Variants in FOXP1 observed in about 807,000 individuals in gnomAD.
FOXP1 encodes the protein forkhead box P1, also known as forkhead box protein P1.
In FOXP1, 15 loss-of-function variants were observed where a neutral mutation model predicts 98.2. The ratio of observed to expected loss-of-function variants is 0.15; its 90% CI spans 0.10 to 0.24. The LOEUF (loss-of-function observed/expected upper bound fraction) is 0.24. Among genes scored for constraint, FOXP1 ranks in the 10% least tolerant of loss-of-function variants. FOXP1 has a pLI of 1.00. For missense variants in FOXP1, 633 were observed against 848.5 expected (o/e 0.75, Z 3.15); for synonymous variants, 371 against 314.5 (o/e 1.18, Z -1.90).
chr3:71,225,559 A>C (rs1432476100), intron 5 of FOXP1, among the ~76,000 whole-genome samples: 1 of 152,190 alleles, frequency 6.6e-6, no homozygotes, highest in Admixed American at 6.5e-5. Flanking sequence ...AATGCTACGG[A>C]TTTGTTCCCT....
intron 5 of FOXP1, among the ~76,000 whole-genome samples, chr3:71,234,158 GTA>G (rs1491096796): frequency 6.6e-5 from 6 of 91,342 alleles, no homozygotes; most frequent in Non-Finnish European, 1.3e-4. Context: ...AATATTATAA[GTA>G]AAAAAAAAAA....
chr3:71,104,822 C>T (rs2057292040), intron 7 of FOXP1, among the ~76,000 whole-genome samples: 1 of 152,152 alleles, frequency 6.6e-6, no homozygotes, highest in Admixed American at 6.5e-5. Context: ...CTAAACCTGA[C>T]TGTTGTGCTG....
intron 6 of FOXP1, among the ~76,000 whole-genome samples, chr3:71,178,411 G>A (rs1221929389): frequency 1.3e-5 from 2 of 152,004 alleles, no homozygotes; most frequent in Non-Finnish European, 2.9e-5. Flanking sequence ...TGGGATGAGA[G>A]GCGTGAGCCA....
At chr3:71,194,553 T>G (rs893654595) in intron 6 of FOXP1, among the ~76,000 whole-genome samples, 5 of 150,786 alleles carry the variant, frequency 3.3e-5, no homozygotes, top group Non-Finnish European at 5.9e-5. Flanking sequence ...CCACACAGTT[T>G]ATGAAATTGT....
chr3:71,427,704 G>A (rs1190520434), intron 3 of FOXP1, among the ~76,000 whole-genome samples: 1 of 152,220 alleles, frequency 6.6e-6, no homozygotes, highest in African/African-American at 2.4e-5. Flanking sequence ...ATGGACGGAA[G>A]TCACAGGATT....
chr3:71,069,427 A>G (rs1244851206), intron 7 of FOXP1, among the ~76,000 whole-genome samples: 1 of 152,226 alleles, frequency 6.6e-6, no homozygotes, highest in East Asian at 1.9e-4. Context: ...CTAACTCTGC[A>G]TTTGACAGTA....
chr3:71,087,006 C>T (rs1460668711), intron 7 of FOXP1, among the ~76,000 whole-genome samples: 1 of 152,168 alleles, frequency 6.6e-6, no homozygotes, highest in East Asian at 1.9e-4. Context: ...CGGCTGTTTA[C>T]CCTGAAGGCC....
chr3:71,219,949 C>T (rs1413755576), intron 5 of FOXP1, among the ~76,000 whole-genome samples: 1 of 152,158 alleles, frequency 6.6e-6, no homozygotes, highest in Non-Finnish European at 1.5e-5. Context: ...ATGCAGAGTA[C>T]TCCAAGGCCT....
chr3:71,295,406 T>A (rs2073182688), intron 5 of FOXP1, among the ~76,000 whole-genome samples: 1 of 152,226 alleles, frequency 6.6e-6, no homozygotes, highest in South Asian at 2.1e-4. Context: ...AAATAATTTA[T>A]AATAGGTAAG....
chr3:71,146,575 A>G (rs1057295154), intron 6 of FOXP1, among the ~76,000 whole-genome samples: 1 of 152,170 alleles, frequency 6.6e-6, no homozygotes, highest in African/African-American at 2.4e-5. Flanking sequence ...AAAAGAGAGG[A>G]TTATAATAAT....
At chr3:71,371,997 C>T (rs113156907) in intron 3 of FOXP1, among the ~76,000 whole-genome samples, 2,305 of 151,860 alleles carry the variant, frequency 0.015, 61 homozygotes, top group African/African-American at 0.052. Flanking sequence ...GAGGATCATT[C>T]TTTCGTCTTT....
At chr3:71,517,197 A>C (rs531243663) in intron 2 of FOXP1, among the ~76,000 whole-genome samples, 14 of 152,162 alleles carry the variant, frequency 9.2e-5, no homozygotes, top group African/African-American at 3.4e-4. Flanking sequence ...ATCTATCAAA[A>C]AAAAAAATAC....
At chr3:71,499,425 T>TAC (rs904368417) in intron 2 of FOXP1, among the ~76,000 whole-genome samples, 2 of 152,266 alleles carry the variant, frequency 1.3e-5, no homozygotes, top group Non-Finnish European at 2.9e-5. Context: ...CGTATGTATA[T>TAC]ACACACACAT....
intron 5 of FOXP1, chr3:71,275,991 C>T (rs879742981): frequency 3.9e-5 from 6 of 152,096 alleles, no homozygotes; most frequent in Middle Eastern, 3.4e-3. Flanking sequence ...ATAGTTAAGC[C>T]ACGCTAATTT....
At chr3:71,401,501 T>C (rs1242532018) in intron 3 of FOXP1, among the ~76,000 whole-genome samples, 1 of 152,260 alleles carries the variant, frequency 6.6e-6, no homozygotes, top group Non-Finnish European at 1.5e-5. Flanking sequence ...AGGCAGCAGC[T>C]GAAAGCCTCA....
intron 5 of FOXP1, chr3:71,276,409 G>C (rs1198364901): frequency 6.6e-6 from 1 of 152,060 alleles, no homozygotes; most frequent in East Asian, 1.9e-4. Flanking sequence ...AATCTAGGAT[G>C]TGTCTAATCC....
rs1474687796 is a variant in FOXP1 at position 71,166,074 on chromosome 3, G to T, written c.180+32128C>A. Among the ~76,000 whole-genome samples the T allele has an allele frequency of 1.3e-5, 2 of 152,196 alleles. 1 individual carries two copies. Among genetic ancestry groups the T allele is most frequent in the South Asian group, 4.1e-4 (2 of 4,826 alleles). ...AATTCTGGTGACCAATAATATCTTG[G>T]GAAGTAACAATCACTCTGAGAAACA... On this transcript the variant is annotated intron_variant, in intron 6 of 20. Transcript: ENST00000649528.
In FOXP1 at chr3:70,955,684, T is replaced by G. The variant is rs1218398337; in HGVS notation, c.*3563A>C. ...CTGGAATTTCATCATGCAAAATATT[T>G]ACTGCAGCAGGAGAAAACATTTTTT... On this transcript the variant is annotated 3_prime_UTR_variant, in exon 21 of 21. Transcript: ENST00000649528. 4.3e-6 allele frequency: 1 copy of G among 233,522 alleles called. No homozygotes were observed. The highest frequency in any genetic ancestry group is 8.5e-6 in the Non-Finnish European group (1 of 118,034). 14.5% of individuals were successfully genotyped at this position (233,522 alleles called of 1,614,324 possible).
chr3:70,979,484 G>C (rs550236984), intron 14 of FOXP1, among the ~76,000 whole-genome samples: 1 of 151,870 alleles, frequency 6.6e-6, no homozygotes, highest in South Asian at 2.1e-4. Flanking sequence ...TGTTTTCAGC[G>C]TATGTATTAC....
Sources: allele counts gnomAD v4.1 joint callset (sites outside exome capture counted in the v4.1 genomes callset), GRCh38; gene constraint gnomAD v4.1.1; transcripts MANE v1.5; gene names NCBI Gene and HGNC (gene_info 2026-07-23, HGNC 2026-07-21).